CCSER1: variants seen among roughly 807,000 people sequenced by gnomAD.
The protein encoded by CCSER1 is coiled-coil serine rich protein 1.
Under a neutral mutation model 82.0 loss-of-function variants are expected in CCSER1, and 41 were observed. The ratio of observed to expected loss-of-function variants is 0.50; its 90% confidence interval spans 0.39 to 0.65. The LOEUF (loss-of-function observed/expected upper bound fraction) is 0.65, where lower values mean the gene tolerates loss of function less well. CCSER1 is among the 30% of genes least tolerant of loss of function. CCSER1 has a pLI of 0.00. For missense variants in CCSER1, 1,119 were observed against 1,064.2 expected (o/e 1.05, Z -0.72); for synonymous variants, 414 against 383.9 (o/e 1.08, Z -0.92).
intron 10 of CCSER1, among the ~76,000 whole-genome samples, chr4:91,381,365 C>G (rs1448537794): frequency 6.6e-6 from 1 of 152,126 alleles, no homozygotes; most frequent in Non-Finnish European, 1.5e-5. Flanking sequence ...TCCATTCTCC[C>G]CGTCACTTTC....
At chr4:90,398,047 C>A (rs1193620844) in intron 3 of CCSER1, among the ~76,000 whole-genome samples, 1 of 152,136 alleles carries the variant, frequency 6.6e-6, no homozygotes, top group Non-Finnish European at 1.5e-5. Flanking sequence ...AGTCCAAGAT[C>A]AAGGTGATGG....
rs958747154 is a variant in CCSER1, at chr4:90,524,336, AT to A, written c.1724+55984del. Reference sequence around the variant, plus strand: ...CACCACAGCAAGCTGCCATTTTAGCATTCAGTGGTTAAGCCAAGGGGCAAAC... The same window carrying A: ...CACCACAGCAAGCTGCCATTTTAGCATCAGTGGTTAAGCCAAGGGGCAAAC... On this transcript the variant is annotated intron_variant, in intron 5 of 10. Transcript: ENST00000509176. 3.3e-5 allele frequency among the ~76,000 whole-genome samples: 5 copies of A among 152,248 alleles called. No homozygotes were observed. In the East Asian group the frequency reaches 7.7e-4, roughly 23 times the overall value.
rs1027911469 is a variant in CCSER1 at position 90,130,375 on chromosome 4, T to C, written c.-42+2544T>C. ...AGAACATGACAATAACATTTCATAC[T>C]GGATTTTGTTTGAGAATGCTTCGGG... On this transcript the variant is annotated intron_variant, in intron 1 of 10. Transcript: ENST00000509176. Among the ~76,000 whole-genome samples the C allele has an allele frequency of 9.8e-5, 15 of 152,302 alleles. No individual in the cohort carries two copies. The East Asian group carries it at 2.5e-3, about 25-fold the overall frequency.
At chr4:90,401,305 C>G (rs892017125) in intron 4 of CCSER1, among the ~76,000 whole-genome samples, 1 of 152,078 alleles carries the variant, frequency 6.6e-6, no homozygotes, top group South Asian at 2.1e-4. Flanking sequence ...TTAGATCCAA[C>G]AACTTAACTT....
At chr4:91,433,179 C>T (rs1478783241) in intron 10 of CCSER1, among the ~76,000 whole-genome samples, 1 of 152,050 alleles carries the variant, frequency 6.6e-6, no homozygotes, top group Non-Finnish European at 1.5e-5. Flanking sequence ...CATTAAGCTC[C>T]GTGAGATTTA....
At chr4:91,033,059 C>CAA (rs142784918) in intron 9 of CCSER1, among the ~76,000 whole-genome samples, 3,870 of 148,926 alleles carry the variant, frequency 0.026, 161 homozygotes, top group African/African-American at 0.086. Context: ...TACAAATAAA[C>CAA]AAAAAAAAAA....
At chr4:90,534,570 T>C (rs1267978389) in intron 5 of CCSER1, among the ~76,000 whole-genome samples, 6 of 151,548 alleles carry the variant, frequency 4.0e-5, no homozygotes, top group African/African-American at 1.5e-4. Flanking sequence ...AAGCAGATAT[T>C]GAAAGGCTAA....
chr4:91,479,244 CT>C, intron 10 of CCSER1, among the ~76,000 whole-genome samples: 1 of 150,796 alleles, frequency 6.6e-6, no homozygotes, highest in East Asian at 1.9e-4. Context: ...TTAGTTTACT[CT>C]GGTCTTAGGG....
intron 10 of CCSER1, among the ~76,000 whole-genome samples, chr4:91,320,119 C>T (rs985433819): frequency 1.3e-5 from 2 of 151,940 alleles, no homozygotes; most frequent in African/African-American, 2.4e-5. Context: ...TGCTTGTATT[C>T]AGATCACTGT....
At chr4:90,851,859 T>C (rs1215040160) in intron 8 of CCSER1, among the ~76,000 whole-genome samples, 1 of 152,192 alleles carries the variant, frequency 6.6e-6, no homozygotes, top group Non-Finnish European at 1.5e-5. Flanking sequence ...ATGTTATCTG[T>C]GCGTTAATAT....
intron 9 of CCSER1, among the ~76,000 whole-genome samples, chr4:90,995,159 TTAAG>T (rs1737383753): frequency 6.6e-6 from 1 of 152,166 alleles, no homozygotes; most frequent in Non-Finnish European, 1.5e-5. Context: ...TGTAGACTAA[TTAAG>T]TAAGTTCTTC....
intron 9 of CCSER1, among the ~76,000 whole-genome samples, chr4:91,057,268 T>C (rs1345133301): frequency 1.3e-5 from 2 of 152,094 alleles, no homozygotes; most frequent in Admixed American, 6.6e-5. Flanking sequence ...TGAAAATTCA[T>C]GGTTCAAGCT....
intron 10 of CCSER1, among the ~76,000 whole-genome samples, chr4:91,089,169 G>A (rs1723687625): frequency 6.6e-6 from 1 of 152,280 alleles, no homozygotes; most frequent in Admixed American, 6.5e-5. Context: ...ACATGAAAGG[G>A]CCGTGATTGA....
chr4:91,268,462 A>G (rs1560555111), intron 10 of CCSER1, among the ~76,000 whole-genome samples: 1 of 152,122 alleles, frequency 6.6e-6, no homozygotes, highest in African/African-American at 2.4e-5. Context: ...CTGGTAGTTA[A>G]GAGATCTAAC....
At chr4:91,406,999 TGTAA>T (rs1354596806) in intron 10 of CCSER1, among the ~76,000 whole-genome samples, 4 of 152,186 alleles carry the variant, frequency 2.6e-5, no homozygotes, top group African/African-American at 9.6e-5. Context: ...CAATCCTCAC[TGTAA>T]GTATTATTTA....
At chr4:90,388,040 C>A (rs1222332000) in intron 3 of CCSER1, among the ~76,000 whole-genome samples, 1 of 152,128 alleles carries the variant, frequency 6.6e-6, no homozygotes. Flanking sequence ...AGTATATCAC[C>A]ATGAGAAAGA....
intron 10 of CCSER1, among the ~76,000 whole-genome samples, chr4:91,242,494 C>G (rs1739448733): frequency 6.6e-6 from 1 of 152,098 alleles, no homozygotes; most frequent in Non-Finnish European, 1.5e-5. Flanking sequence ...TAAAAATTAT[C>G]TCAAAATGGA....
chr4:91,205,661 C>A (rs1736283945), intron 10 of CCSER1, among the ~76,000 whole-genome samples: 1 of 151,382 alleles, frequency 6.6e-6, no homozygotes, highest in Admixed American at 6.6e-5. Context: ...TTCCTCCCTC[C>A]CTCCCTCCTA....
chr4:91,009,881 T>C lies in CCSER1; in HGVS notation c.2173-76069T>C, dbSNP rs149053541. Among the ~76,000 whole-genome samples the C allele has an allele frequency of 9.8e-4, 150 of 152,326 alleles. 1 individual carries two copies. The highest frequency in any genetic ancestry group is 3.0e-3 in the African/African-American group (125 of 41,580). On this transcript the variant is annotated intron_variant, in intron 9 of 10. Coordinates refer to ENST00000509176, the MANE Select transcript of CCSER1 (RefSeq NM_001145065.2). ...AACTTATTGCAGCTATCATTATTTT[T>C]GAATCTTTTGACTTTTAACATTTAT... is the stretch of plus-strand genomic sequence containing the variant.
Sources: allele counts gnomAD v4.1 joint callset (sites outside exome capture counted in the v4.1 genomes callset), GRCh38; gene constraint gnomAD v4.1.1; transcripts MANE v1.5; gene names NCBI Gene and HGNC (gene_info 2026-07-23, HGNC 2026-07-21).